The following ZFPM2 variants were observed in gnomAD, a reference collection of about 807,000 sequenced individuals.
ZFPM2 encodes zinc finger protein, FOG family member 2.
ZFPM2 carries 20 observed loss-of-function variants against 98.6 expected under a neutral mutation model. That is an observed-to-expected ratio of 0.20 (90% CI 0.14 to 0.29). The LOEUF (loss-of-function observed/expected upper bound fraction) is 0.29. Ranked by LOEUF, ZFPM2 falls within the 10% of genes least tolerant of loss-of-function variation. ZFPM2 has a pLI of 1.00. For synonymous variants in ZFPM2, 518 were observed against 502.7 expected (o/e 1.03, Z -0.41); for missense variants, 1,310 against 1,388.6 (o/e 0.94, Z 0.90).
chr8:105,788,042 G>T (rs1352024365), intron 5 of ZFPM2, among the ~76,000 whole-genome samples: 1 of 152,098 alleles, frequency 6.6e-6, no homozygotes, highest in East Asian at 1.9e-4. Context: ...TTTTGAAAAG[G>T]ATTTTTGGCA....
chr8:105,400,244 AT>A (rs1394737444), intron 1 of ZFPM2, among the ~76,000 whole-genome samples: 2 of 151,766 alleles, frequency 1.3e-5, no homozygotes, highest in East Asian at 1.9e-4. Context: ...TCTGAAATTT[AT>A]TTTTTTATTT....
intron 3 of ZFPM2, among the ~76,000 whole-genome samples, chr8:105,519,019 T>C (rs925521109): frequency 5.3e-5 from 8 of 152,172 alleles, no homozygotes; most frequent in Non-Finnish European, 2.9e-5. Context: ...ATTTGGTGCT[T>C]CCTATGTATC....
chr8:105,562,364 G>T (rs567518447), intron 4 of ZFPM2, among the ~76,000 whole-genome samples: 1 of 150,468 alleles, frequency 6.6e-6, no homozygotes, highest in Non-Finnish European at 1.5e-5. Flanking sequence ...AAATGGAAAG[G>T]TAGGTAGTTT....
At chr8:105,617,055 A>AAAAAAAAAAAAAAAAAAAAAAAC (rs1816434366) in intron 4 of ZFPM2, among the ~76,000 whole-genome samples, 1 of 131,894 alleles carries the variant, frequency 7.6e-6, no homozygotes, top group Admixed American at 7.7e-5. Flanking sequence ...AAAAAAAAAA[A>AAAAAAAAAAAAAAAAAAAAAAAC]AAAAAGATCC....
chr8:105,430,457 T>C (rs1184928209), intron 2 of ZFPM2, among the ~76,000 whole-genome samples: 1 of 152,198 alleles, frequency 6.6e-6, no homozygotes, highest in Non-Finnish European at 1.5e-5. Context: ...AAATCTATTA[T>C]CATTATAGGA....
At chr8:105,725,458 G>GAGAACT (rs1479297044) in intron 5 of ZFPM2, among the ~76,000 whole-genome samples, 16 of 151,746 alleles carry the variant, frequency 1.1e-4, no homozygotes, top group African/African-American at 3.9e-4. Context: ...AATGAGAAGA[G>GAGAACT]AGAACTATCC....
chr8:105,738,772 T>C (rs1812147968), intron 5 of ZFPM2, among the ~76,000 whole-genome samples: 1 of 152,062 alleles, frequency 6.6e-6, no homozygotes. Context: ...TGACCAGTGA[T>C]GTCAAGCTTT....
At chr8:105,567,421 G>T (rs59604230) in intron 4 of ZFPM2, among the ~76,000 whole-genome samples, 5,291 of 152,200 alleles carry the variant, frequency 0.035, 149 homozygotes, top group African/African-American at 0.063. Context: ...CTTCCTCTTG[G>T]TTAGGATATA....
At chr8:105,489,728 T>C (rs1813320441) in intron 3 of ZFPM2, among the ~76,000 whole-genome samples, 1 of 151,710 alleles carries the variant, frequency 6.6e-6, no homozygotes, top group African/African-American at 2.4e-5. Flanking sequence ...CTTCCCAAAG[T>C]GCTGGGATTA....
At chr8:105,719,228 T>A (rs1811598373) in intron 5 of ZFPM2, among the ~76,000 whole-genome samples, 1 of 151,956 alleles carries the variant, frequency 6.6e-6, no homozygotes, top group African/African-American at 2.4e-5. Context: ...AATCACCAAT[T>A]AAATTGTGCT....
intron 1 of ZFPM2, among the ~76,000 whole-genome samples, chr8:105,390,713 C>T (rs758068976): frequency 1.3e-4 from 20 of 152,090 alleles, no homozygotes; most frequent in Non-Finnish European, 2.5e-4. Context: ...TATTATACAA[C>T]ACAACCTTAA....
chr8:105,754,626 A>G (rs904201449), intron 5 of ZFPM2, among the ~76,000 whole-genome samples: 1 of 152,076 alleles, frequency 6.6e-6, no homozygotes, highest in African/African-American at 2.4e-5. Flanking sequence ...AGTTGGATCT[A>G]ATTTCTCAAA....
chr8:105,619,640 C>A (rs1019211567), intron 4 of ZFPM2, among the ~76,000 whole-genome samples: 3 of 151,820 alleles, frequency 2.0e-5, no homozygotes, highest in African/African-American at 7.3e-5. Flanking sequence ...CTTATTAATT[C>A]ATCATTTACA....
intron 3 of ZFPM2, among the ~76,000 whole-genome samples, chr8:105,555,003 T>C (rs1563716977): frequency 6.6e-6 from 1 of 152,172 alleles, no homozygotes; most frequent in Non-Finnish European, 1.5e-5. Context: ...CACCAGTGAA[T>C]TTCTTTTATT....
intron 5 of ZFPM2, among the ~76,000 whole-genome samples, chr8:105,779,783 G>A (rs1255276775): frequency 1.3e-5 from 2 of 152,164 alleles, no homozygotes; most frequent in Non-Finnish European, 2.9e-5. Context: ...ACATTGTGCA[G>A]AGACTGATTT....
intron 5 of ZFPM2, among the ~76,000 whole-genome samples, chr8:105,774,246 C>T (rs1157468640): frequency 6.6e-6 from 1 of 152,072 alleles, no homozygotes; most frequent in Non-Finnish European, 1.5e-5. Flanking sequence ...TACTAGTTCT[C>T]TTATATTTAA....
intron 3 of ZFPM2, among the ~76,000 whole-genome samples, chr8:105,529,936 G>C (rs1814260394): frequency 6.6e-6 from 1 of 151,876 alleles, no homozygotes; most frequent in South Asian, 2.1e-4. Context: ...TCACCATGTT[G>C]GTCAGGCTGG....
intron 3 of ZFPM2, among the ~76,000 whole-genome samples, chr8:105,494,507 T>C (rs1457622977): frequency 6.6e-6 from 1 of 152,042 alleles, no homozygotes; most frequent in Non-Finnish European, 1.5e-5. Flanking sequence ...CTATGCCATG[T>C]CCATGACTTC....
intron 5 of ZFPM2, among the ~76,000 whole-genome samples, chr8:105,735,526 A>G (rs1290440009): frequency 2.0e-5 from 3 of 151,926 alleles, no homozygotes; most frequent in African/African-American, 4.8e-5. Context: ...TATGAAAACA[A>G]TGTTTAGGAA....
Sources: allele counts gnomAD v4.1 joint callset (sites outside exome capture counted in the v4.1 genomes callset), GRCh38; gene constraint gnomAD v4.1.1; transcripts MANE v1.5; gene names NCBI Gene and HGNC (gene_info 2026-07-23, HGNC 2026-07-21).